Variants in ZNF273 observed in about 807,000 individuals in gnomAD.
ZNF273 encodes the protein zinc finger protein 9.
Under a neutral mutation model 14.9 loss-of-function variants are expected in ZNF273, and 11 were observed. The observed-to-expected ratio is 0.74, with a 90% CI of 0.46 to 1.22. The LOEUF (loss-of-function observed/expected upper bound fraction) is 1.22, where lower values mean the gene tolerates loss of function less well. Ranked by LOEUF, ZNF273 falls within the 50% of genes most tolerant of loss-of-function variation. The pLI is 0.00. For missense variants in ZNF273, 577 were observed against 660.6 expected, an observed-to-expected ratio of 0.87 and a Z score of 1.39; for synonymous variants, 199 against 223.9, an observed-to-expected ratio of 0.89 and a Z score of 0.99.
chr7:64,897,027 C>T (rs1283422339), intron 3 of ZNF273, among the ~76,000 whole-genome samples: 2 of 152,002 alleles, frequency 1.3e-5, no homozygotes, highest in African/African-American at 2.4e-5. Context: ...GGACATTATG[C>T]TAAGTAAAAT....
chr7:64,895,326 G>A (rs913765837), intron 3 of ZNF273, among the ~76,000 whole-genome samples: 49 of 152,130 alleles, frequency 3.2e-4, no homozygotes, highest in African/African-American at 1.2e-3. Flanking sequence ...TAAACAAATT[G>A]ATTTTTTTCA....
chr7:64,893,192 T>A (rs1792141377), downstream of ZNF273, among the ~76,000 whole-genome samples: 1 of 152,212 alleles, frequency 6.6e-6, no homozygotes, highest in South Asian at 2.1e-4. Flanking sequence ...GTCAAATATT[T>A]TTTTTCTACT....
chr7:64,919,844 A>G (rs1253335915), intron 3 of ZNF273, among the ~76,000 whole-genome samples: 2 of 151,938 alleles, frequency 1.3e-5, no homozygotes, highest in African/African-American at 4.8e-5. Flanking sequence ...TTAAAAGATA[A>G]GATCATGTGA....
chr7:64,889,907 A>C (rs1583962814), downstream of ZNF273: 1 of 301,136 alleles, frequency 3.3e-6, no homozygotes, highest in Non-Finnish European at 4.9e-6. This position sits in a 1 kb window ranked among gnomAD's most constrained non-coding sequence, Gnocchi z 4.2. Flanking sequence ...CCAAGCCCCC[A>C]CGCCCTCCAG....
chr7:64,883,154 G>C (rs1159644645), downstream of ZNF273, among the ~76,000 whole-genome samples: 1 of 150,982 alleles, frequency 6.6e-6, no homozygotes, highest in Non-Finnish European at 1.5e-5. Context: ...TTTTTTCCGT[G>C]GTTCCTGAAT....
downstream of ZNF273, among the ~76,000 whole-genome samples, chr7:64,932,302 AATTTATTT>A (rs571234984): frequency 4.6e-5 from 7 of 151,724 alleles, no homozygotes; most frequent in Non-Finnish European, 7.4e-5. Flanking sequence ...ATATGTTAGA[AATTTATTT>A]ATTTATTTAT....
chr7:64,927,016 G>A (rs1422282826), intron 3 of ZNF273, among the ~76,000 whole-genome samples: 1 of 152,120 alleles, frequency 6.6e-6, no homozygotes, highest in African/African-American at 2.4e-5. Context: ...TGTCTGGAAA[G>A]GCCCCTAGAA....
chr7:64,912,166 T>G (rs559283869), intron 1 of ZNF273, among the ~76,000 whole-genome samples: 1 of 152,340 alleles, frequency 6.6e-6, no homozygotes, highest in African/African-American at 2.4e-5. Context: ...TTCACCATGT[T>G]GGCCAGGCTG....
intron 1 of ZNF273, among the ~76,000 whole-genome samples, chr7:64,884,918 G>A (rs1417677688): frequency 2.0e-5 from 3 of 152,214 alleles, no homozygotes; most frequent in East Asian, 1.9e-4. Context: ...AGACTAGGCC[G>A]GCTCTGCCTT....
downstream of ZNF273, among the ~76,000 whole-genome samples, chr7:64,892,708 C>T (rs1168420587): frequency 1.3e-5 from 2 of 152,082 alleles, no homozygotes; most frequent in Admixed American, 6.6e-5. Flanking sequence ...TTTATAGATG[C>T]CTGATGAGGG....
At chr7:64,889,784 C>T, downstream of ZNF273, 8 of 984,634 alleles carry the variant, frequency 8.1e-6, no homozygotes, top group Non-Finnish European at 9.7e-6. The surrounding 1 kb of genome is among the most constrained non-coding windows in gnomAD (Gnocchi z 4.2). Context: ...AGCCCAAGCC[C>T]CTGCACTTGC....
downstream of ZNF273, among the ~76,000 whole-genome samples, chr7:64,880,888 G>T (rs1008616239): frequency 6.6e-6 from 1 of 152,210 alleles, no homozygotes; most frequent in Middle Eastern, 3.4e-3. Flanking sequence ...TCTCAATCGA[G>T]CAGGCACTTC....
chr7:64,889,532 C>A (rs912916149), downstream of ZNF273: 1 of 985,690 alleles, frequency 1.0e-6, no homozygotes, highest in African/African-American at 1.7e-5. This position sits in a 1 kb window ranked among gnomAD's most constrained non-coding sequence, Gnocchi z 4.2. Context: ...GCTCCTGGTG[C>A]CACGCGGTCC....
chr7:64,931,441 A>T (rs978742791), downstream of ZNF273, among the ~76,000 whole-genome samples: 2 of 152,102 alleles, frequency 1.3e-5, no homozygotes, highest in Admixed American at 6.5e-5. Context: ...CTGGTCAGGG[A>T]TTACAACAAT....
At chr7:64,904,828 C>G (rs1157141809) in intron 1 of ZNF273, among the ~76,000 whole-genome samples, 1 of 152,102 alleles carries the variant, frequency 6.6e-6, no homozygotes, top group African/African-American at 2.4e-5. Flanking sequence ...ATAATCTTCC[C>G]TAGGCACAGA....
At chr7:64,910,786 A>C (rs1184075658) in intron 1 of ZNF273, among the ~76,000 whole-genome samples, 1 of 117,164 alleles carries the variant, frequency 8.5e-6, no homozygotes, top group Non-Finnish European at 1.8e-5. Context: ...TTTTTTTGAG[A>C]CGAAGTTTTG....
At position 64,930,259 on chromosome 7, in the gene ZNF273, CATT is replaced by C. The variant is rs1562968662; in HGVS notation, c.*1225_*1227del. Reference sequence around the variant, plus strand: ...GAGATTTTTTTTTTTATTAGGTGGGCATTATTTATGACCTTTTCTGTGGAAGAG... The same window carrying C: ...GAGATTTTTTTTTTTATTAGGTGGGCATTTATGACCTTTTCTGTGGAAGAG... On this transcript the variant is annotated 3_prime_UTR_variant, in exon 4 of 4. Coordinates refer to ENST00000476120, the MANE Select transcript of ZNF273 (RefSeq NM_021148.3). 1 of 151,776 alleles carries C rather than the reference CATT, an allele frequency of 6.6e-6. No homozygotes were observed. The highest frequency in any genetic ancestry group is 1.5e-5 in the Non-Finnish European group (1 of 67,960). 9.4% of individuals were successfully genotyped at this position (151,776 alleles called of 1,614,324 possible). A position where few individuals can be genotyped will look rare whatever the true frequency, so the allele number is the denominator to read the frequency against.
chr7:64,898,529 T>G (rs1407737455), upstream of ZNF273, among the ~76,000 whole-genome samples: 1 of 152,256 alleles, frequency 6.6e-6, no homozygotes, highest in Admixed American at 6.5e-5. Context: ...TTTAAGTGTC[T>G]CTGACTTTCC....
intron 2 of ZNF273, among the ~76,000 whole-genome samples, chr7:64,917,941 T>G (rs569762707): frequency 5.9e-5 from 9 of 152,276 alleles, no homozygotes; most frequent in African/African-American, 1.7e-4. Flanking sequence ...TTCCAAAAAT[T>G]TAGTGGCATA....
Sources: gnomAD v4.1 joint callset for allele counts (sites outside exome capture counted in the v4.1 genomes callset) on GRCh38, gnomAD v4.1.1 for gene constraint, Gnocchi (gnomAD v3.1) non-coding constraint, MANE v1.5 for transcripts, NCBI Gene and HGNC (gene_info 2026-07-23, HGNC 2026-07-21) for gene names.